The following H2AC12 variants were observed in gnomAD, a reference collection of about 807,000 sequenced individuals.
H2AC12 encodes the protein H2A clustered histone 12, also known as histone H2A type 1-H.
A neutral mutation model predicts 5.8 loss-of-function variants in H2AC12; 9 were observed. The observed-to-expected ratio is 1.56, with a 90% confidence interval of 0.94 to 2.71. The LOEUF is 2.71. H2AC12 is among the 30% of genes most tolerant of loss of function. H2AC12 has a pLI of 0.00. For synonymous variants in H2AC12, 158 were observed against 78.1 expected, an observed-to-expected ratio of 2.02 and a Z score of -5.39; for missense variants, 232 against 173.1, an observed-to-expected ratio of 1.34 and a Z score of -1.91.
rs1760114868 is a variant in H2AC12, at chr6:27,147,207, C to G, written c.79C>G (p.Pro27Ala). Residue 27 changes from proline to alanine, a missense_variant, in exon 1 of 1, where the codon CCC (proline) becomes GCC (alanine). Transcript: ENST00000377459. ...CTCTTCTCGGGCTGGGCTTCAGTTC[C>G]CCGTGGGCCGAGTGCACCGCCTGCT... ...TRSSRAGLQF[P>A]VGRVHRLLRK... The G allele has an allele frequency of 6.2e-7, 1 of 1,614,060 alleles. No homozygotes were observed. Among genetic ancestry groups the G allele is most frequent in the African/African-American group, 1.3e-5 (1 of 74,934 alleles).
At position 27,147,294 on chromosome 6, in the gene H2AC12, C is replaced by T. The variant is rs763503507; in HGVS notation, c.166C>T (p.Leu56=). 6.2e-7 allele frequency: 1 copy of T among 1,614,174 alleles called. No homozygotes were observed. The highest frequency in any genetic ancestry group is 1.3e-5 in the African/African-American group (1 of 75,054). Residue 56 remains leucine, a synonymous_variant, in exon 1 of 1, where the codon CTG becomes TTG. Transcript: ENST00000377459. ...CGCGCCAGTGTACCTGGCTGCGGTG[C>T]TGGAGTACCTGACCGCTGAGATCCT... ...AGAPVYLAAV[L]EYLTAEILEL...
rs960381665 is a variant in H2AC12 at position 27,147,410 on chromosome 6, C to T, written c.282C>T (p.Leu94=). 5 of 1,614,090 alleles carry T rather than the reference C, an allele frequency of 3.1e-6. No homozygotes were observed. Among genetic ancestry groups the T allele is most frequent in the Non-Finnish European group, 4.2e-6 (5 of 1,180,040 alleles). ...LQLAIRNDEE[L]NKLLGKVTIA... ...TGGCCATCCGCAACGACGAGGAGCTCAACAAGCTGCTGGGCAAAGTCACCA... is the reference window on the plus strand; with the variant it reads ...TGGCCATCCGCAACGACGAGGAGCTTAACAAGCTGCTGGGCAAAGTCACCA... Residue 94 remains leucine, a synonymous_variant, in exon 1 of 1, where the codon CTC becomes CTT. Transcript: ENST00000377459.
Position 27,147,289 on chromosome 6 carries a change from C to T in H2AC12, c.161C>T (p.Ala54Val), listed in dbSNP as rs759614622. The change falls in exon 1 of 1, where the codon GCG (alanine) becomes GTG (valine). Residue 54 changes from alanine (A) to valine (V), a missense_variant. Physicochemically the swap from Ala to Val is moderately conservative, Grantham distance 64 (BLOSUM62 0). Coordinates refer to ENST00000377459, the MANE Select transcript of H2AC12 (RefSeq NM_080596.3). ...GCCGGCGCGCCAGTGTACCTGGCTG[C>T]GGTGCTGGAGTACCTGACCGCTGAG... ...VGAGAPVYLA[A>V]VLEYLTAEIL... 14 of 1,614,146 alleles carry T rather than the reference C, an allele frequency of 8.7e-6. No homozygotes were observed. The highest frequency in any genetic ancestry group is 2.7e-5 in the African/African-American group (2 of 75,026).
chr6:27,147,189 C>A lies in H2AC12; in HGVS notation c.61C>A (p.Arg21=), dbSNP rs745469676. 1 of 1,614,076 alleles carries A rather than the reference C, an allele frequency of 6.2e-7. No individual in the cohort carries two copies. Among genetic ancestry groups the A allele is most frequent in the South Asian group, 1.1e-5 (1 of 91,076 alleles). ...ARAKAKTRSS[R]AGLQFPVGRV... The stretch of plus-strand genomic sequence containing the variant: ...CGCCAAGGCCAAGACCCGCTCTTCT[C>A]GGGCTGGGCTTCAGTTCCCCGTGGG... The change falls in exon 1 of 1, where the codon CGG becomes AGG. Residue 21 remains arginine (R), a synonymous_variant. Coordinates refer to ENST00000377459, the MANE Select transcript of H2AC12 (RefSeq NM_080596.3).
Position 27,147,434 on chromosome 6 carries a change from C to G in H2AC12, c.306C>G (p.Thr102=). Residue 102 remains threonine, a synonymous_variant, in exon 1 of 1, where the codon ACC becomes ACG. Coordinates refer to ENST00000377459, the MANE Select transcript of H2AC12 (RefSeq NM_080596.3). ...TCAACAAGCTGCTGGGCAAAGTCAC[C>G]ATCGCGCAGGGTGGTGTCTTGCCCA... ...EELNKLLGKV[T]IAQGGVLPNI... 1 of 1,614,222 alleles carries G rather than the reference C, an allele frequency of 6.2e-7. No homozygotes were observed. Among genetic ancestry groups the G allele is most frequent in the Non-Finnish European group, 8.5e-7 (1 of 1,180,040 alleles).
In H2AC12 at chr6:27,147,360, C is replaced by T. The variant is rs754707306; in HGVS notation, c.232C>T (p.Arg78Cys). 1.2e-6 allele frequency: 2 copies of T among 1,614,184 alleles called. No individual in the cohort carries two copies. Among genetic ancestry groups the T allele is most frequent in the South Asian group, 1.1e-5 (1 of 91,082 alleles). Residue 78 changes from arginine (R) to cysteine (C), a missense_variant, in exon 1 of 1, where the codon CGT becomes TGT. Arg to Cys is a radical substitution (Grantham distance 180). Transcript: ENST00000377459. ...GNAARDNKKT[R>C]IIPRHLQLAI... is the part of the protein sequence containing the mutation. ...TGCGGCCCGCGACAACAAGAAGACC[C>T]GTATCATCCCGCGTCACCTCCAACT... is the stretch of plus-strand genomic sequence containing the variant.
At position 27,147,361 on chromosome 6, in the gene H2AC12, G is replaced by A; in HGVS notation, c.233G>A (p.Arg78His). 6.2e-7 allele frequency: 1 copy of A among 1,614,200 alleles called. No homozygotes were observed. The highest frequency in any genetic ancestry group is 8.5e-7 in the Non-Finnish European group (1 of 1,180,034). Residue 78 changes from arginine (R) to histidine (H), a missense_variant, in exon 1 of 1, where the codon CGT (arginine) becomes CAT (histidine). Arg to His is a conservative substitution (Grantham distance 29, BLOSUM62 0). Coordinates refer to ENST00000377459, the MANE Select transcript of H2AC12 (RefSeq NM_080596.3). ...GNAARDNKKT[R>H]IIPRHLQLAI... ...GCGGCCCGCGACAACAAGAAGACCC[G>A]TATCATCCCGCGTCACCTCCAACTG...
Position 27,147,468 on chromosome 6 carries a change from G to A in H2AC12, c.340G>A (p.Ala114Thr). ...GGGTGGTGTCTTGCCCAATATCCAG[G>A]CCGTGCTGCTGCCTAAGAAGACTGA... ...AQGGVLPNIQ[A>T]VLLPKKTESH... is the part of the protein sequence containing the mutation. The change falls in exon 1 of 1, where the codon GCC becomes ACC. Residue 114 changes from alanine (A) to threonine (T), a missense_variant. Coordinates refer to ENST00000377459, the MANE Select transcript of H2AC12 (RefSeq NM_080596.3). The A allele has an allele frequency of 5.0e-6, 8 of 1,614,202 alleles. No individual in the cohort carries two copies. Among genetic ancestry groups the A allele is most frequent in the Non-Finnish European group, 6.8e-6 (8 of 1,180,036 alleles).
Position 27,147,460 on chromosome 6 carries a change from A to G in H2AC12, c.332A>G (p.Asn111Ser). 1 of 1,614,216 alleles carries G rather than the reference A, an allele frequency of 6.2e-7. No individual in the cohort carries two copies. The highest frequency in any genetic ancestry group is 8.5e-7 in the Non-Finnish European group (1 of 1,180,030). The change falls in exon 1 of 1, where the codon AAT becomes AGT. Residue 111 changes from asparagine (N) to serine (S), a missense_variant. Physicochemically the swap from Asn to Ser is conservative, Grantham distance 46. Transcript: ENST00000377459. The stretch of plus-strand genomic sequence containing the variant: ...ATCGCGCAGGGTGGTGTCTTGCCCA[A>G]TATCCAGGCCGTGCTGCTGCCTAAG... Reference protein sequence around the residue: ...VTIAQGGVLPNIQAVLLPKKT... With the variant: ...VTIAQGGVLPSIQAVLLPKKT...
At position 27,147,189 on chromosome 6, in the gene H2AC12, C is replaced by G; in HGVS notation, c.61C>G (p.Arg21Gly). 6.2e-7 allele frequency: 1 copy of G among 1,614,076 alleles called. No individual in the cohort carries two copies. ...ARAKAKTRSS[R>G]AGLQFPVGRV... Reference sequence around the variant, plus strand: ...CGCCAAGGCCAAGACCCGCTCTTCTCGGGCTGGGCTTCAGTTCCCCGTGGG... The same window carrying G: ...CGCCAAGGCCAAGACCCGCTCTTCTGGGGCTGGGCTTCAGTTCCCCGTGGG... The change falls in exon 1 of 1, where the codon CGG (arginine) becomes GGG (glycine). Residue 21 changes from arginine to glycine, a missense_variant. Physicochemically the swap from Arg to Gly is moderately radical, Grantham distance 125. Coordinates refer to ENST00000377459, the MANE Select transcript of H2AC12 (RefSeq NM_080596.3).
Position 27,147,111 on chromosome 6 carries a change from C to T in H2AC12, c.-18C>T, listed in dbSNP as rs765893270. The T allele has an allele frequency of 2.9e-5, 46 of 1,582,104 alleles. No homozygotes were observed. Among genetic ancestry groups the T allele is most frequent in the African/African-American group, 6.8e-5 (5 of 73,562 alleles). On this transcript the variant is annotated 5_prime_UTR_variant, in exon 1 of 1. Transcript: ENST00000377459. ...GCTGCCTTTCCTCGTTGGCTACTTTCAGTAAGTTGTGACCAGTATGTCTGG... is the reference window on the plus strand; with the variant it reads ...GCTGCCTTTCCTCGTTGGCTACTTTTAGTAAGTTGTGACCAGTATGTCTGG...
At position 27,147,128 on chromosome 6, in the gene H2AC12, T is replaced by G. The variant is rs200477889; in HGVS notation, c.-1T>G. On this transcript the variant is annotated 5_prime_UTR_variant, in exon 1 of 1. Coordinates refer to ENST00000377459, the MANE Select transcript of H2AC12 (RefSeq NM_080596.3). Reference sequence around the variant, plus strand: ...GCTACTTTCAGTAAGTTGTGACCAGTATGTCTGGACGTGGCAAGCAAGGCG... The same window carrying G: ...GCTACTTTCAGTAAGTTGTGACCAGGATGTCTGGACGTGGCAAGCAAGGCG... The G allele has an allele frequency of 6.2e-7, 1 of 1,607,268 alleles. No individual in the cohort carries two copies. Among genetic ancestry groups the G allele is most frequent in the Non-Finnish European group, 8.5e-7 (1 of 1,176,426 alleles).
chr6:27,147,196 G>T lies in H2AC12; in HGVS notation c.68G>T (p.Gly23Val), dbSNP rs373996857. 14 of 1,614,038 alleles carry T rather than the reference G, an allele frequency of 8.7e-6. No individual in the cohort carries two copies. Among genetic ancestry groups the T allele is most frequent in the Non-Finnish European group, 1.1e-5 (13 of 1,180,020 alleles). The change falls in exon 1 of 1, where the codon GGG becomes GTG. Residue 23 changes from glycine (G) to valine (V), a missense_variant. Coordinates refer to ENST00000377459, the MANE Select transcript of H2AC12 (RefSeq NM_080596.3). The stretch of plus-strand genomic sequence containing the variant: ...GCCAAGACCCGCTCTTCTCGGGCTG[G>T]GCTTCAGTTCCCCGTGGGCCGAGTG... ...AKAKTRSSRA[G>V]LQFPVGRVHR...
In H2AC12 at chr6:27,147,275, A is replaced by T; in HGVS notation, c.147A>T (p.Pro49=). The T allele has an allele frequency of 6.2e-6, 10 of 1,614,054 alleles. No individual in the cohort carries two copies. Among genetic ancestry groups the T allele is most frequent in the Non-Finnish European group, 7.6e-6 (9 of 1,180,006 alleles). Residue 49 remains proline, a synonymous_variant, in exon 1 of 1, where the codon CCA becomes CCT. Coordinates refer to ENST00000377459, the MANE Select transcript of H2AC12 (RefSeq NM_080596.3). ...NYAERVGAGA[P]VYLAAVLEYL... ...CCGAGCGGGTTGGAGCCGGCGCGCC[A>T]GTGTACCTGGCTGCGGTGCTGGAGT... is the stretch of plus-strand genomic sequence containing the variant.
chr6:27,147,411 A>G lies in H2AC12; in HGVS notation c.283A>G (p.Asn95Asp). 1.2e-6 allele frequency: 2 copies of G among 1,613,616 alleles called. No homozygotes were observed. The highest frequency in any genetic ancestry group is 1.7e-6 in the Non-Finnish European group (2 of 1,179,486). ...QLAIRNDEEL[N>D]KLLGKVTIAQ... is the part of the protein sequence containing the mutation. The stretch of plus-strand genomic sequence containing the variant: ...GGCCATCCGCAACGACGAGGAGCTC[A>G]ACAAGCTGCTGGGCAAAGTCACCAT... Residue 95 changes from asparagine to aspartate, a missense_variant, in exon 1 of 1, where the codon AAC becomes GAC. Physicochemically the swap from Asn to Asp is conservative, Grantham distance 23. Transcript: ENST00000377459.
Position 27,147,404 on chromosome 6 carries a change from G to A in H2AC12, c.276G>A (p.Glu92=), listed in dbSNP as rs1176656180. 2.5e-6 allele frequency: 4 copies of A among 1,614,092 alleles called. No homozygotes were observed. The highest frequency in any genetic ancestry group is 4.5e-5 in the East Asian group (2 of 44,896). Residue 92 remains glutamate (E), a synonymous_variant, in exon 1 of 1, where the codon GAG becomes GAA. Coordinates refer to ENST00000377459, the MANE Select transcript of H2AC12 (RefSeq NM_080596.3). The part of the protein sequence containing the change: ...RHLQLAIRND[E]ELNKLLGKVT... Reference sequence around the variant, plus strand: ...TCCAACTGGCCATCCGCAACGACGAGGAGCTCAACAAGCTGCTGGGCAAAG... The same window carrying A: ...TCCAACTGGCCATCCGCAACGACGAAGAGCTCAACAAGCTGCTGGGCAAAG...
In H2AC12 at chr6:27,147,464, C is replaced by CCAGGCCGTG; in HGVS notation, c.338_346dup (p.Gln113_Val115dup). 1 of 1,614,230 alleles carries CCAGGCCGTG rather than the reference C, an allele frequency of 6.2e-7. No individual in the cohort carries two copies. The highest frequency in any genetic ancestry group is 8.5e-7 in the Non-Finnish European group (1 of 1,180,046). ...CGCAGGGTGGTGTCTTGCCCAATAT[C>CCAGGCCGTG]CAGGCCGTGCTGCTGCCTAAGAAGA... On this transcript the variant is annotated inframe_insertion, in exon 1 of 1. Transcript: ENST00000377459.
At position 27,147,367 on chromosome 6, in the gene H2AC12, T is replaced by G. The variant is rs758001368; in HGVS notation, c.239T>G (p.Ile80Ser). The G allele has an allele frequency of 1.2e-5, 19 of 1,614,114 alleles. 1 individual carries two copies. The South Asian group carries it at 2.1e-4, about 18-fold the overall frequency. ...AARDNKKTRI[I>S]PRHLQLAIRN... ...CGCGACAACAAGAAGACCCGTATCATCCCGCGTCACCTCCAACTGGCCATC... is the reference window on the plus strand; with the variant it reads ...CGCGACAACAAGAAGACCCGTATCAGCCCGCGTCACCTCCAACTGGCCATC... The change falls in exon 1 of 1, where the codon ATC becomes AGC. Residue 80 changes from isoleucine (I) to serine (S), a missense_variant. Transcript: ENST00000377459.
Position 27,147,235 on chromosome 6 carries a change from G to A in H2AC12, c.107G>A (p.Arg36His). ...GTGGGCCGAGTGCACCGCCTGCTCCGCAAGGGTAATTATGCCGAGCGGGTT... is the reference window on the plus strand; with the variant it reads ...GTGGGCCGAGTGCACCGCCTGCTCCACAAGGGTAATTATGCCGAGCGGGTT... ...FPVGRVHRLLRKGNYAERVGA... is the reference protein window; with the variant it reads ...FPVGRVHRLLHKGNYAERVGA... The change falls in exon 1 of 1, where the codon CGC (arginine) becomes CAC (histidine). Residue 36 changes from arginine (R) to histidine (H), a missense_variant. Arg to His is a conservative substitution (Grantham distance 29, BLOSUM62 0). Transcript: ENST00000377459. The A allele has an allele frequency of 1.9e-6, 3 of 1,614,188 alleles. No individual in the cohort carries two copies. The highest frequency in any genetic ancestry group is 2.2e-5 in the East Asian group (1 of 44,878).
Sources: gnomAD v4.1 joint callset for allele counts on GRCh38, gnomAD v4.1.1 for gene constraint, MANE v1.5 for transcripts, NCBI Gene and HGNC (gene_info 2026-07-23, HGNC 2026-07-21) for gene names.